The following AMPH variants were observed in gnomAD, a reference collection of about 807,000 sequenced individuals.
The protein encoded by AMPH is amphiphysin, also known as amphiphysin (Stiff-Mann syndrome with breast cancer 128kD autoantigen).
AMPH carries 49 observed loss-of-function variants against 99.1 expected under a neutral mutation model. The ratio of observed to expected loss-of-function variants is 0.49; its 90% CI spans 0.39 to 0.63. The LOEUF (loss-of-function observed/expected upper bound fraction) is 0.63. Among genes scored for constraint, AMPH ranks in the 20% least tolerant of loss-of-function variants. AMPH has a pLI of 0.00. For missense variants in AMPH, 759 were observed against 863.4 expected (o/e 0.88, Z 1.52); for synonymous variants, 314 against 317.3 (o/e 0.99, Z 0.11).
chr7:38,553,492 C>A (rs1243729943), intron 1 of AMPH, among the ~76,000 whole-genome samples: 1 of 152,200 alleles, frequency 6.6e-6, no homozygotes, highest in African/African-American at 2.4e-5. Flanking sequence ...GAATAAAAAA[C>A]GATGTCTGGA....
intron 1 of AMPH, among the ~76,000 whole-genome samples, chr7:38,580,170 T>A (rs188297117): frequency 6.6e-6 from 1 of 152,322 alleles, no homozygotes; most frequent in East Asian, 1.9e-4. Context: ...TTACTTTTTA[T>A]GCCTTTCTCT....
chr7:38,463,310 C>T, intron 9 of AMPH, 197 bp from the exon 10 acceptor site: 1 of 724,956 alleles, frequency 1.4e-6, no homozygotes, highest in Non-Finnish European at 2.4e-6. Flanking sequence ...ACAGAGACCT[C>T]ATTCATGTAT....
At chr7:38,490,234 G>A (rs1234222472) in intron 5 of AMPH, among the ~76,000 whole-genome samples, 4 of 152,104 alleles carry the variant, frequency 2.6e-5, no homozygotes, top group Non-Finnish European at 5.9e-5. Context: ...GGTTGCATTT[G>A]CCCAACTACT....
intron 1 of AMPH, among the ~76,000 whole-genome samples, chr7:38,624,969 A>G (rs1214354440): frequency 1.3e-5 from 2 of 152,208 alleles, no homozygotes; most frequent in East Asian, 3.8e-4. Flanking sequence ...GTGTGCCTAT[A>G]CAGGAACAAC....
intron 1 of AMPH, among the ~76,000 whole-genome samples, chr7:38,535,907 T>C (rs4720289): frequency 0.57 from 86,661 of 151,952 alleles, 24,981 homozygotes; most frequent in Admixed American, 0.65. Context: ...GGTACCAGTC[T>C]GAGGCCCAGG....
chr7:38,408,750 CAAAAAAA>C (rs66957354), intron 17 of AMPH, among the ~76,000 whole-genome samples: 5 of 100,724 alleles, frequency 5.0e-5, no homozygotes, highest in Non-Finnish European at 2.1e-5. Context: ...GACTCCATCA[CAAAAAAA>C]AAAAAAAAAA....
chr7:38,536,648 T>G (rs879545340), intron 1 of AMPH, among the ~76,000 whole-genome samples: 26 of 152,154 alleles, frequency 1.7e-4, no homozygotes, highest in Admixed American at 2.6e-4. Flanking sequence ...TCACTCAATT[T>G]CATTTCACAA....
intron 2 of AMPH, among the ~76,000 whole-genome samples, chr7:38,508,480 T>C (rs1205342756): frequency 6.6e-6 from 1 of 152,166 alleles, no homozygotes; most frequent in East Asian, 1.9e-4. Context: ...GAAGAAAATA[T>C]CACACACGGT....
At chr7:38,423,312 C>A (rs930302823) in intron 15 of AMPH, among the ~76,000 whole-genome samples, 1 of 152,126 alleles carries the variant, frequency 6.6e-6, no homozygotes, top group Non-Finnish European at 1.5e-5. Flanking sequence ...CTAAAGGAAA[C>A]TTCATCTCTC....
At chr7:38,618,141 A>G (rs1330126912) in intron 1 of AMPH, among the ~76,000 whole-genome samples, 3 of 152,208 alleles carry the variant, frequency 2.0e-5, no homozygotes. Context: ...TGAAATATGC[A>G]GTAACAACAT....
chr7:38,407,076 A>G (rs13247911), intron 17 of AMPH, among the ~76,000 whole-genome samples: 205 of 19,748 alleles, frequency 0.01, 2 homozygotes, highest in Middle Eastern at 0.028. Context: ...ATATATATAT[A>G]TGTGTGTGTG....
chr7:38,568,209 T>C (rs977485767), intron 1 of AMPH, among the ~76,000 whole-genome samples: 2 of 152,200 alleles, frequency 1.3e-5, no homozygotes, highest in Non-Finnish European at 2.9e-5. Context: ...CTTCCTAATA[T>C]GTAAAGAATC....
At chr7:38,448,313 G>A (rs1347146269) in intron 11 of AMPH, among the ~76,000 whole-genome samples, 1 of 152,148 alleles carries the variant, frequency 6.6e-6, no homozygotes, top group Non-Finnish European at 1.5e-5. Context: ...CCAAGTATTT[G>A]TTCCACAAAG....
chr7:38,525,277 T>TATATATATATATAGAGAGAGAG (rs1481528083), intron 2 of AMPH, among the ~76,000 whole-genome samples: 9 of 86,646 alleles, frequency 1.0e-4, no homozygotes, highest in African/African-American at 4.3e-4. Flanking sequence ...TATATATATA[T>TATATATATATATAGAGAGAGAG]AGAGAGAGAG....
chr7:38,477,675 G>T (rs76716822), intron 5 of AMPH, among the ~76,000 whole-genome samples: 2 of 152,076 alleles, frequency 1.3e-5, no homozygotes, highest in East Asian at 3.9e-4. Flanking sequence ...TCATTTCTAT[G>T]GAACATTTCC....
At chr7:38,562,059 C>T (rs1017312696) in intron 1 of AMPH, among the ~76,000 whole-genome samples, 12 of 146,082 alleles carry the variant, frequency 8.2e-5, no homozygotes, top group African/African-American at 3.1e-4. Flanking sequence ...AAGTAGAAAA[C>T]AAGGTGGGGA....
chr7:38,489,131 G>T (rs540025021), intron 5 of AMPH, among the ~76,000 whole-genome samples: 66 of 152,224 alleles, frequency 4.3e-4, no homozygotes, highest in African/African-American at 1.4e-3. Flanking sequence ...CATTGTCCTG[G>T]CATAAAGACA....
At chr7:38,490,203 C>G (rs1438778448) in intron 5 of AMPH, among the ~76,000 whole-genome samples, 3 of 151,984 alleles carry the variant, frequency 2.0e-5, no homozygotes, top group Non-Finnish European at 1.5e-5. Flanking sequence ...TTTTTAAAAC[C>G]CAATTCACAC....
intron 1 of AMPH, among the ~76,000 whole-genome samples, chr7:38,607,950 T>C (rs1387439398): frequency 4.6e-5 from 7 of 152,250 alleles, no homozygotes; most frequent in Admixed American, 4.6e-4. Flanking sequence ...ATTTTCTTTT[T>C]CTTTTCTTAA....
Sources: allele counts gnomAD v4.1 joint callset (sites outside exome capture counted in the v4.1 genomes callset), GRCh38; gene constraint gnomAD v4.1.1; transcripts MANE v1.5; gene names NCBI Gene and HGNC (gene_info 2026-07-23, HGNC 2026-07-21).